Variants in ICE1 observed in about 807,000 individuals in gnomAD.
ICE1 encodes the protein little elongation complex subunit 1.
Under a neutral mutation model 192.7 loss-of-function variants are expected in ICE1, and 64 were observed. That is an observed-to-expected ratio of 0.33 (90% CI 0.27 to 0.41). The LOEUF (loss-of-function observed/expected upper bound fraction) is 0.41. Among genes scored for constraint, ICE1 ranks in the 10% least tolerant of loss-of-function variants. The pLI is 1.00. For synonymous variants in ICE1, 1,010 were observed against 984.5 expected (o/e 1.03, Z -0.49); for missense variants, 2,708 against 2,696.0 (o/e 1.00, Z -0.10).
At chr5:5,449,725 T>C (rs1167771167) in intron 10 of ICE1, among the ~76,000 whole-genome samples, 1 of 152,206 alleles carries the variant, frequency 6.6e-6, no homozygotes, top group Non-Finnish European at 1.5e-5. Flanking sequence ...AATGCCAAGC[T>C]TCTGGTTTCA....
intron 1 of ICE1, among the ~76,000 whole-genome samples, chr5:5,434,821 T>C (rs1389267190): frequency 6.6e-6 from 1 of 152,240 alleles, no homozygotes; most frequent in Non-Finnish European, 1.5e-5. Flanking sequence ...AATATGTTTA[T>C]TTTAGTCTAG....
chr5:5,423,752 A>G (rs1263286021), intron 1 of ICE1, among the ~76,000 whole-genome samples: 2 of 152,108 alleles, frequency 1.3e-5, no homozygotes, highest in South Asian at 4.2e-4. Flanking sequence ...GTCTCTTTTA[A>G]CTTCCTACTA....
chr5:5,468,114 G>C (rs1454135081), intron 14 of ICE1, among the ~76,000 whole-genome samples: 1 of 152,210 alleles, frequency 6.6e-6, no homozygotes, highest in African/African-American at 2.4e-5. Context: ...CAACACGGAT[G>C]AATGTCAAAA....
chr5:5,462,085 G>C lies in ICE1; in HGVS notation c.2751G>C (p.Glu917Asp), dbSNP rs1738809231. Reference sequence around the variant, plus strand: ...ATGATACAACACAAAACATCACGGAGGTGGCTGCTGTGAAAAGCATTTCAC... The same window carrying C: ...ATGATACAACACAAAACATCACGGACGTGGCTGCTGTGAAAAGCATTTCAC... The part of the protein sequence containing the change: ...ERDDTTQNIT[E>D]VAAVKSISPE... The change falls in exon 13 of 19, where the codon GAG becomes GAC. Residue 917 changes from glutamate (E) to aspartate (D), a missense_variant. Coordinates refer to ENST00000296564, the MANE Select transcript of ICE1 (RefSeq NM_015325.3). 6.2e-7 allele frequency: 1 copy of C among 1,613,770 alleles called. No homozygotes were observed. The highest frequency in any genetic ancestry group is 1.1e-5 in the South Asian group (1 of 91,092).
chr5:5,471,915 T>C (rs1739166682), intron 15 of ICE1, among the ~76,000 whole-genome samples: 1 of 152,128 alleles, frequency 6.6e-6, no homozygotes, highest in Non-Finnish European at 1.5e-5. Context: ...ATGCTCTATA[T>C]GTAGAAGTGA....
At chr5:5,430,090 G>T (rs1419642970) in intron 1 of ICE1, among the ~76,000 whole-genome samples, 1 of 152,138 alleles carries the variant, frequency 6.6e-6, no homozygotes, top group Non-Finnish European at 1.5e-5. Context: ...CGATAATCGA[G>T]GAAACAACCC....
intron 10 of ICE1, among the ~76,000 whole-genome samples, chr5:5,451,366 T>G (rs189209351): frequency 2.0e-5 from 3 of 152,232 alleles, no homozygotes; most frequent in African/African-American, 7.2e-5. Flanking sequence ...AAGAAAAAAT[T>G]GATGAAAATG....
chr5:5,481,011 G>C (rs1269624520), intron 17 of ICE1, among the ~76,000 whole-genome samples: 1 of 152,178 alleles, frequency 6.6e-6, no homozygotes, highest in Non-Finnish European at 1.5e-5. Flanking sequence ...CATTCTAGCT[G>C]TGGAGCGCTA....
intron 1 of ICE1, among the ~76,000 whole-genome samples, chr5:5,429,195 T>G (rs1464749317): frequency 6.6e-6 from 1 of 151,834 alleles, no homozygotes. Context: ...AGTGCCTGAG[T>G]TTTTTTTACT....
intron 1 of ICE1, among the ~76,000 whole-genome samples, chr5:5,432,172 T>C (rs573537149): frequency 1.3e-5 from 2 of 152,316 alleles, no homozygotes; most frequent in African/African-American, 4.8e-5. Context: ...AAAGAAACCC[T>C]ATACTAGTTA....
Position 5,489,253 on chromosome 5 carries a change from G to A in ICE1, c.6724G>A (p.Ala2242Thr), listed in dbSNP as rs1357338986. The stretch of plus-strand genomic sequence containing the variant: ...GATCCTGGAAGCTTGGCGGAGAGAG[G>A]CCTCCAAAAGCGTTCCGTCTGCGAT... ...SKILEAWRRE[A>T]SKSVPSAIVS... is the part of the protein sequence containing the mutation. The change falls in exon 19 of 19, where the codon GCC becomes ACC. Residue 2242 changes from alanine (A) to threonine (T), a missense_variant. Ala to Thr is a moderately conservative substitution (Grantham distance 58). Transcript: ENST00000296564. 1.2e-6 allele frequency: 2 copies of A among 1,613,830 alleles called. No homozygotes were observed. The highest frequency in any genetic ancestry group is 4.5e-5 in the East Asian group (2 of 44,870).
chr5:5,477,744 G>T (rs185209882), intron 17 of ICE1, among the ~76,000 whole-genome samples: 1 of 152,148 alleles, frequency 6.6e-6, no homozygotes, highest in African/African-American at 2.4e-5. Flanking sequence ...ATAAAATACC[G>T]GCAAACCAAA....
rs1737895641 is a variant in ICE1 at position 5,437,242 on chromosome 5, A to T, written c.178+128A>T. The T allele has an allele frequency of 9.1e-6, 6 of 655,876 alleles. No homozygotes were observed. In the East Asian group the frequency reaches 1.7e-4, roughly 18 times the overall value. The allele number at this position is 655,876 out of a possible 1,614,324, so 40.6% of individuals were successfully genotyped here. On this transcript the variant is annotated intron_variant, in intron 3 of 18. Transcript: ENST00000296564. ...TACTTAACAGGCTTCAGTAGGGAGC[A>T]TGTCTCACAAGCACAGTAAACAGAC...
At chr5:5,433,411 A>T (rs964484139) in intron 1 of ICE1, among the ~76,000 whole-genome samples, 1 of 152,150 alleles carries the variant, frequency 6.6e-6, no homozygotes, top group African/African-American at 2.4e-5. Context: ...GAAGTTTTGC[A>T]GTATAAATGG....
chr5:5,452,163 ATTTTTTTTTTT>A (rs952502832), intron 10 of ICE1, among the ~76,000 whole-genome samples: 3 of 133,124 alleles, frequency 2.3e-5, no homozygotes, highest in Non-Finnish European at 3.2e-5. Flanking sequence ...TGTTTGTTCC[ATTTTTTTTTTT>A]TTTTTTTTTT....
intron 12 of ICE1, 98 bp downstream of exon 12, chr5:5,457,839 G>T: frequency 7.9e-7 from 1 of 1,265,142 alleles, no homozygotes; most frequent in Non-Finnish European, 1.1e-6. Context: ...TTCTTGCACA[G>T]ATTATTCATT....
chr5:5,443,317 G>GT (rs112316712), intron 6 of ICE1, 73 bp downstream of exon 6: 38,140 of 598,062 alleles, frequency 0.064, 1 homozygote, highest in South Asian at 0.079. Context: ...AGTCGGTAGT[G>GT]TTTTTTTTTT....
At chr5:5,471,028 AAG>A (rs1251636400) in intron 15 of ICE1, among the ~76,000 whole-genome samples, 1 of 152,194 alleles carries the variant, frequency 6.6e-6, no homozygotes, top group Non-Finnish European at 1.5e-5. Context: ...ACCAGAGAAA[AAG>A]AATAAATTTT....
intron 17 of ICE1, among the ~76,000 whole-genome samples, chr5:5,483,329 T>A (rs944133431): frequency 2.6e-5 from 4 of 152,164 alleles, no homozygotes; most frequent in African/African-American, 9.7e-5. Flanking sequence ...TTGCACATCC[T>A]ATTGAGATTT....
Sources: gnomAD v4.1 joint callset for allele counts (sites outside exome capture counted in the v4.1 genomes callset) on GRCh38, gnomAD v4.1.1 for gene constraint, MANE v1.5 for transcripts, NCBI Gene and HGNC (gene_info 2026-07-23, HGNC 2026-07-21) for gene names.